UGGT2: variants seen among roughly 807,000 people sequenced by gnomAD.
UGGT2 encodes the protein UDP-glucose glycoprotein glucosyltransferase 2, also known as UDP-glucose:glycoprotein glucosyltransferase 2.
UGGT2 carries 180 observed loss-of-function variants against 192.1 expected under a neutral mutation model. The observed-to-expected ratio is 0.94, with a 90% confidence interval of 0.83 to 1.06. The LOEUF (loss-of-function observed/expected upper bound fraction) is 1.06, where lower values mean the gene tolerates loss of function less well. Among genes scored for constraint, UGGT2 ranks in the 50% least tolerant of loss-of-function variants. UGGT2 has a pLI of 0.00. For missense variants in UGGT2, 1,849 were observed against 1,795.7 expected, an observed-to-expected ratio of 1.03 and a Z score of -0.54; for synonymous variants, 580 against 591.0, an observed-to-expected ratio of 0.98 and a Z score of 0.27.
intron 20 of UGGT2, among the ~76,000 whole-genome samples, chr13:95,905,528 T>C (rs1383052193): frequency 1.3e-5 from 2 of 151,786 alleles, no homozygotes; most frequent in African/African-American, 2.4e-5. Context: ...TAGCCAGTTT[T>C]CCCAGCACCA....
chr13:96,026,923 G>A (rs1027053843), intron 2 of UGGT2, among the ~76,000 whole-genome samples: 2 of 151,664 alleles, frequency 1.3e-5, no homozygotes, highest in South Asian at 2.1e-4. Context: ...CACCTGCCTC[G>A]GCCTCCCAAA....
chr13:95,905,803 C>T (rs1409524422), intron 20 of UGGT2, among the ~76,000 whole-genome samples: 1 of 152,068 alleles, frequency 6.6e-6, no homozygotes, highest in Admixed American at 6.6e-5. Context: ...TCCATATGAA[C>T]TTTAAAGTAT....
At position 95,844,780 on chromosome 13, in the gene UGGT2, A is replaced by AT. The variant is rs200088233; in HGVS notation, c.4285-7579dup. Among the ~76,000 whole-genome samples, 923 of 151,958 alleles carry AT rather than the reference A, an allele frequency of 6.1e-3. 10 individuals carry two copies. The highest frequency in any genetic ancestry group is 0.021 in the African/African-American group (880 of 41,444). On this transcript the variant is annotated intron_variant, in intron 36 of 38. Transcript: ENST00000376747. ...TTCCTTGCCAATCTGGATGCCTTTT[A>AT]TTTTTTTTCTTGCCTTGCTGTACTA...
intron 38 of UGGT2, among the ~76,000 whole-genome samples, chr13:95,804,851 T>C (rs752612873): frequency 1.3e-5 from 2 of 152,014 alleles, no homozygotes; most frequent in Admixed American, 6.6e-5. Flanking sequence ...GAGGAACACA[T>C]AGGGAAAAAT....
At chr13:95,974,168 T>A (rs1253247509) in intron 10 of UGGT2, among the ~76,000 whole-genome samples, 1 of 152,210 alleles carries the variant, frequency 6.6e-6, no homozygotes, top group Non-Finnish European at 1.5e-5. Flanking sequence ...ACTTGTTTTA[T>A]ACAGAATACT....
chr13:95,839,150 C>A (rs1416099483), intron 36 of UGGT2, among the ~76,000 whole-genome samples: 1 of 152,102 alleles, frequency 6.6e-6, no homozygotes, highest in Admixed American at 6.6e-5. Context: ...ACAGGACACA[C>A]ACACACACTA....
chr13:95,961,726 T>C lies in UGGT2; in HGVS notation c.1335+8386A>G, dbSNP rs576763745. ...AAGAACACTGGATTTAAAATGTACA[T>C]TTGATGAAATAGACTTTAGAAATTT... On this transcript the variant is annotated intron_variant, in intron 12 of 38. Coordinates refer to ENST00000376747, the MANE Select transcript of UGGT2 (RefSeq NM_020121.4). Among the ~76,000 whole-genome samples, 13 of 152,248 alleles carry C rather than the reference T, an allele frequency of 8.5e-5. No homozygotes were observed. The South Asian group carries it at 1.0e-3, about 12-fold the overall frequency.
At chr13:96,039,420 C>T (rs2053101236) in intron 1 of UGGT2, among the ~76,000 whole-genome samples, 1 of 152,112 alleles carries the variant, frequency 6.6e-6, no homozygotes, top group Admixed American at 6.6e-5. Flanking sequence ...CTGGATATCC[C>T]CACCTTCTTT....
intron 38 of UGGT2, among the ~76,000 whole-genome samples, chr13:95,826,205 T>A (rs1166054397): frequency 1.3e-5 from 2 of 152,116 alleles, no homozygotes; most frequent in African/African-American, 4.8e-5. Flanking sequence ...TAGGAATCAA[T>A]GGTTATTTCC....
intron 12 of UGGT2, among the ~76,000 whole-genome samples, chr13:95,965,649 G>A (rs1433344023): frequency 6.7e-6 from 1 of 150,036 alleles, no homozygotes; most frequent in South Asian, 2.1e-4. Flanking sequence ...GCTAAATGAC[G>A]AGTTAATGGG....
chr13:96,023,491 T>C (rs1193419934), intron 3 of UGGT2, 138 bp downstream of exon 3: 3 of 795,928 alleles, frequency 3.8e-6, no homozygotes, highest in African/African-American at 1.8e-5. Flanking sequence ...ACAACAATAA[T>C]AATATAATCA....
At chr13:96,015,000 C>A (rs1348672120) in intron 4 of UGGT2, among the ~76,000 whole-genome samples, 1 of 152,036 alleles carries the variant, frequency 6.6e-6, no homozygotes, top group East Asian at 1.9e-4. Flanking sequence ...GAAAGGCGGC[C>A]AGGCGCGGTG....
Position 95,875,635 on chromosome 13 carries a change from G to A in UGGT2, c.3473+1644C>T, listed in dbSNP as rs34695030. Among the ~76,000 whole-genome samples the A allele has an allele frequency of 6.7e-3, 1,019 of 152,220 alleles. 5 individuals are homozygous for A. Among genetic ancestry groups the A allele is most frequent in the Non-Finnish European group, 0.011 (715 of 67,994 alleles). On this transcript the variant is annotated intron_variant, in intron 29 of 38. Transcript: ENST00000376747. ...CTCTTCCTGGAATGTTCCGTCTGTG[G>A]TATGACTAATAACTTCCTATTAATT... is the stretch of plus-strand genomic sequence containing the variant.
chr13:96,022,085 T>C (rs2139114317), intron 4 of UGGT2, among the ~76,000 whole-genome samples: 1 of 151,932 alleles, frequency 6.6e-6, no homozygotes, highest in East Asian at 1.9e-4. Context: ...AAGCAATAAA[T>C]ATTAAAACAG....
chr13:95,833,739 T>C (rs1440576764), intron 37 of UGGT2, among the ~76,000 whole-genome samples: 1 of 152,056 alleles, frequency 6.6e-6, no homozygotes, highest in Non-Finnish European at 1.5e-5. Flanking sequence ...AAGAGAGGCA[T>C]CAAAGAAAGA....
In UGGT2 at chr13:95,863,697, G is replaced by A; in HGVS notation, c.3576C>T (p.Asp1192=). The A allele has an allele frequency of 1.2e-6, 2 of 1,612,276 alleles. No homozygotes were observed. Among genetic ancestry groups the A allele is most frequent in the Non-Finnish European group, 1.7e-6 (2 of 1,178,966 alleles). The change falls in exon 31 of 39, where the codon GAC becomes GAT. Residue 1192 remains aspartate (D), a synonymous_variant. Coordinates refer to ENST00000376747, the MANE Select transcript of UGGT2 (RefSeq NM_020121.4). ...ILKVKVKKET[D]KIKEDILTDE... ...CGGTAAGGATATCTTCCTTAATTTT[G>A]TCTGTTTCTTTTTTCACCTAGATAG...
At chr13:95,924,677 T>C (rs1008697254) in intron 20 of UGGT2, among the ~76,000 whole-genome samples, 73 of 152,064 alleles carry the variant, frequency 4.8e-4, no homozygotes, top group African/African-American at 1.6e-3. Context: ...TAAATGACAT[T>C]GTGGCTCAGT....
chr13:95,844,376 G>T (rs1888178773), intron 36 of UGGT2, among the ~76,000 whole-genome samples: 1 of 152,134 alleles, frequency 6.6e-6, no homozygotes, highest in Non-Finnish European at 1.5e-5. Context: ...GTTTTTATTG[G>T]AATTGCATTA....
At chr13:95,819,634 A>G (rs1885291519) in intron 38 of UGGT2, among the ~76,000 whole-genome samples, 1 of 152,212 alleles carries the variant, frequency 6.6e-6, no homozygotes, top group Admixed American at 6.5e-5. Flanking sequence ...GCCACAAAGA[A>G]AACAACAATA....
Sources: allele counts gnomAD v4.1 joint callset (sites outside exome capture counted in the v4.1 genomes callset), GRCh38; gene constraint gnomAD v4.1.1; transcripts MANE v1.5; gene names NCBI Gene and HGNC (gene_info 2026-07-23, HGNC 2026-07-21).